The following TPH2 variants were observed in gnomAD, a reference collection of about 807,000 sequenced individuals.
TPH2 encodes tryptophan 5-hydroxylase 2.
TPH2 carries 27 observed loss-of-function variants against 59.1 expected under a neutral mutation model. The ratio of observed to expected loss-of-function variants is 0.46; its 90% confidence interval spans 0.34 to 0.63. TPH2 has a LOEUF of 0.63. Among genes scored for constraint, TPH2 ranks in the 30% least tolerant of loss-of-function variants. The pLI is 0.01. For synonymous variants in TPH2, 220 were observed against 210.5 expected, an observed-to-expected ratio of 1.05 and a Z score of -0.39; for missense variants, 523 against 588.3, an observed-to-expected ratio of 0.89 and a Z score of 1.15.
chr12:71,969,515 C>G (rs1487123599), intron 5 of TPH2, among the ~76,000 whole-genome samples: 1 of 152,110 alleles, frequency 6.6e-6, no homozygotes, highest in African/African-American at 2.4e-5. Context: ...CCTGGTGCCC[C>G]AAACACATGT....
intron 8 of TPH2, among the ~76,000 whole-genome samples, chr12:72,016,917 A>T (rs1873269973): frequency 6.6e-6 from 1 of 152,116 alleles, no homozygotes; most frequent in Admixed American, 6.5e-5. Context: ...GAGGCTATGT[A>T]ATTATTTCAA....
At chr12:72,004,585 T>C (rs528053363) in intron 8 of TPH2, among the ~76,000 whole-genome samples, 33 of 152,338 alleles carry the variant, frequency 2.2e-4, no homozygotes, top group Non-Finnish European at 1.5e-5. Flanking sequence ...GCACAGAAGA[T>C]TTCTGCAGTC....
intron 2 of TPH2, among the ~76,000 whole-genome samples, chr12:71,943,283 C>T (rs1871121830): frequency 6.6e-6 from 1 of 152,138 alleles, no homozygotes; most frequent in Admixed American, 6.5e-5. Flanking sequence ...ACTATCTATC[C>T]TGTTCCTATG....
chr12:71,972,767 C>A, intron 6 of TPH2, 52 bp downstream of exon 6: 1 of 1,560,258 alleles, frequency 6.4e-7, no homozygotes, highest in South Asian at 1.1e-5. Context: ...CAATTGCCTT[C>A]CAAGGACACA....
intron 8 of TPH2, among the ~76,000 whole-genome samples, chr12:72,017,556 G>A (rs191213818): frequency 6.6e-6 from 1 of 152,186 alleles, no homozygotes; most frequent in East Asian, 1.9e-4. Flanking sequence ...CTTCAATTTG[G>A]GAGGTGTTAG....
At chr12:71,987,050 G>C (rs769997848) in intron 7 of TPH2, among the ~76,000 whole-genome samples, 1 of 152,182 alleles carries the variant, frequency 6.6e-6, no homozygotes, top group African/African-American at 2.4e-5. Context: ...CACACGTTCT[G>C]TTTGTCTGGC....
rs1314858397 is a variant in TPH2, at chr12:72,032,395, C to A, written c.*700C>A. The stretch of plus-strand genomic sequence containing the variant: ...AAAGACTAAACAGTGGACAATCAAT[C>A]TTGGGACTATGAATTTTATGCTGGA... On this transcript the variant is annotated 3_prime_UTR_variant, in exon 11 of 11. Coordinates refer to ENST00000333850, the MANE Select transcript of TPH2 (RefSeq NM_173353.4). 2 of 152,388 alleles carry A rather than the reference C, an allele frequency of 1.3e-5. No individual in the cohort carries two copies. The highest frequency in any genetic ancestry group is 2.9e-5 in the Non-Finnish European group (2 of 68,246). The allele number at this position is 152,388 out of a possible 1,614,324, so 9.4% of individuals were successfully genotyped here.
chr12:71,948,590 A>C (rs1325445429), intron 4 of TPH2, among the ~76,000 whole-genome samples: 1 of 152,188 alleles, frequency 6.6e-6, no homozygotes, highest in African/African-American at 2.4e-5. Context: ...TAGGTTCAGC[A>C]GAGGTAGTCT....
At chr12:71,995,406 T>C (rs926164368) in intron 8 of TPH2, among the ~76,000 whole-genome samples, 1 of 152,124 alleles carries the variant, frequency 6.6e-6, no homozygotes, top group Admixed American at 6.6e-5. Context: ...AAAAATGCGA[T>C]CTTAAATTGT....
chr12:71,949,080 A>C (rs972190021), intron 4 of TPH2, among the ~76,000 whole-genome samples: 1 of 152,226 alleles, frequency 6.6e-6, no homozygotes, highest in Non-Finnish European at 1.5e-5. Context: ...GTAGTCATAA[A>C]ATACAGCAAA....
intron 8 of TPH2, among the ~76,000 whole-genome samples, chr12:72,013,986 G>A (rs1317670736): frequency 3.3e-5 from 5 of 152,136 alleles, no homozygotes; most frequent in Non-Finnish European, 7.4e-5. Flanking sequence ...GTTTCGTTGA[G>A]AGGCTCGAAG....
intron 8 of TPH2, among the ~76,000 whole-genome samples, chr12:72,012,729 G>C (rs1873132854): frequency 1.3e-5 from 2 of 152,204 alleles, no homozygotes; most frequent in South Asian, 4.1e-4. Flanking sequence ...TGGCACCAAT[G>C]TCAGATGAAT....
At chr12:71,993,528 T>C (rs932899040) in intron 7 of TPH2, among the ~76,000 whole-genome samples, 1 of 152,196 alleles carries the variant, frequency 6.6e-6, no homozygotes, top group Non-Finnish European at 1.5e-5. Context: ...CTGCCTTGTA[T>C]TGTCGTGAAA....
intron 4 of TPH2, among the ~76,000 whole-genome samples, chr12:71,947,160 CTTAA>C (rs1468460701): frequency 6.6e-6 from 1 of 152,154 alleles, no homozygotes; most frequent in Non-Finnish European, 1.5e-5. Flanking sequence ...GAACTAATGT[CTTAA>C]TTAATGTTCC....
intron 7 of TPH2, among the ~76,000 whole-genome samples, chr12:71,989,459 A>G (rs896137747): frequency 6.6e-6 from 1 of 152,184 alleles, no homozygotes; most frequent in African/African-American, 2.4e-5. Context: ...GCTTCCTTTT[A>G]TTAATGCAAA....
chr12:71,995,846 TA>T (rs962650004), intron 8 of TPH2, among the ~76,000 whole-genome samples: 9 of 152,152 alleles, frequency 5.9e-5, no homozygotes, highest in Non-Finnish European at 1.3e-4. Flanking sequence ...GTTGGCTTAT[TA>T]AAAAAAGTCC....
chr12:71,990,878 T>C (rs1409629993), intron 7 of TPH2, among the ~76,000 whole-genome samples: 1 of 152,120 alleles, frequency 6.6e-6, no homozygotes, highest in Admixed American at 6.5e-5. Context: ...TTTCTACTTA[T>C]AACAGAGCAA....
chr12:71,952,115 T>TA (rs1871365282), intron 5 of TPH2, among the ~76,000 whole-genome samples: 1 of 152,200 alleles, frequency 6.6e-6, no homozygotes, highest in Non-Finnish European at 1.5e-5. Flanking sequence ...TGAGGAGTCA[T>TA]TTGGTTTTAA....
At chr12:72,004,763 G>A (rs1262704130) in intron 8 of TPH2, among the ~76,000 whole-genome samples, 5 of 152,142 alleles carry the variant, frequency 3.3e-5, no homozygotes. Flanking sequence ...AGCTAGAATA[G>A]CAGAGGTAAT....
Sources: allele counts gnomAD v4.1 joint callset (sites outside exome capture counted in the v4.1 genomes callset), GRCh38; gene constraint gnomAD v4.1.1; transcripts MANE v1.5; gene names NCBI Gene and HGNC (gene_info 2026-07-23, HGNC 2026-07-21).